The following SP100 variants were observed in gnomAD, a reference collection of about 807,000 sequenced individuals.
The protein encoded by SP100 is nuclear autoantigen Sp-100.
SP100 carries 84 observed loss-of-function variants against 130.0 expected under a neutral mutation model. That is an observed-to-expected ratio of 0.65 (90% confidence interval 0.54 to 0.77). The LOEUF (loss-of-function observed/expected upper bound fraction) is 0.77, where lower values mean the gene tolerates loss of function less well. SP100 is among the 30% of genes least tolerant of loss of function. The pLI, the probability that SP100 is intolerant of heterozygous loss-of-function variation, is 0.00. For missense variants in SP100, 978 were observed against 1,052.2 expected, an observed-to-expected ratio of 0.93 and a Z score of 0.97; for synonymous variants, 331 against 351.7, an observed-to-expected ratio of 0.94 and a Z score of 0.66.
intron 24 of SP100, among the ~76,000 whole-genome samples, chr2:230,511,569 G>T (rs919357474): frequency 5.9e-5 from 9 of 152,190 alleles, no homozygotes; most frequent in Non-Finnish European, 1.0e-4. Context: ...CTGCTCCAAG[G>T]TGCAGACAGA....
chr2:230,468,093 G>A (rs2065052688), intron 13 of SP100, among the ~76,000 whole-genome samples: 1 of 152,180 alleles, frequency 6.6e-6, no homozygotes, highest in Admixed American at 6.6e-5. Context: ...TAAAAGGTGG[G>A]TGAGATAACT....
chr2:230,511,426 G>A (rs1575783136), intron 24 of SP100, among the ~76,000 whole-genome samples: 1 of 152,154 alleles, frequency 6.6e-6, no homozygotes. Context: ...CTAGATCACC[G>A]AGGCCTCCAG....
intron 4 of SP100, among the ~76,000 whole-genome samples, chr2:230,444,703 C>T (rs536199300): frequency 6.6e-6 from 1 of 152,306 alleles, no homozygotes; most frequent in African/African-American, 2.4e-5. Context: ...CTACTACCTG[C>T]CCTGAGTGAC....
intron 15 of SP100, among the ~76,000 whole-genome samples, chr2:230,472,427 CAAAAAAAAAAA>C (rs201703163): frequency 9.8e-5 from 6 of 61,326 alleles, no homozygotes; most frequent in African/African-American, 1.7e-4. Flanking sequence ...GACTCCGTCT[CAAAAAAAAAAA>C]AAAAAAAAAA....
At chr2:230,513,584 G>A (rs1690740250) in intron 24 of SP100, among the ~76,000 whole-genome samples, 1 of 151,980 alleles carries the variant, frequency 6.6e-6, no homozygotes, top group Non-Finnish European at 1.5e-5. Context: ...GGGGATAGAT[G>A]TTCTTCATTC....
rs61249133 is a variant in SP100 at position 230,508,306 on chromosome 2, C to T, written c.2052+275C>T. 1,002 of 269,926 alleles carry T rather than the reference C, an allele frequency of 3.7e-3. 16 individuals carry two copies. The highest frequency in any genetic ancestry group is 0.029 in the African/African-American group (926 of 32,054). 16.7% of individuals were successfully genotyped at this position (269,926 alleles called of 1,614,324 possible). ...TGTTTTTTAGTAAAGGAGCTAAATG[C>T]CATACTTTTTTTTTTTTTTTTTTTT... On this transcript the variant is annotated intron_variant, in intron 23 of 28. Coordinates refer to ENST00000340126, the MANE Select transcript of SP100 (RefSeq NM_001080391.2).
intron 5 of SP100, among the ~76,000 whole-genome samples, chr2:230,447,899 C>T (rs1281189633): frequency 2.6e-5 from 4 of 152,216 alleles, no homozygotes; most frequent in Non-Finnish European, 5.9e-5. Context: ...CCTCTAATCT[C>T]ATGTTCAGCT....
intron 17 of SP100, among the ~76,000 whole-genome samples, chr2:230,492,087 A>G (rs1408088164): frequency 6.6e-6 from 1 of 152,158 alleles, no homozygotes; most frequent in Non-Finnish European, 1.5e-5. Context: ...CAGAAGATTT[A>G]TAAAATCAGC....
intron 24 of SP100, chr2:230,515,185 A>T (rs767864029): frequency 6.2e-7 from 1 of 1,613,538 alleles, no homozygotes; most frequent in Non-Finnish European, 8.5e-7. Flanking sequence ...CATTTTTGCT[A>T]AAGAGAAAGG....
Position 230,475,388 on chromosome 2 carries a change from G to A in SP100, c.1600+941G>A, listed in dbSNP as rs150675712. 2.5e-3 allele frequency among the ~76,000 whole-genome samples: 385 copies of A among 152,080 alleles called. 3 individuals carry two copies. The highest frequency in any genetic ancestry group is 9.0e-3 in the African/African-American group (373 of 41,518). On this transcript the variant is annotated intron_variant, in intron 17 of 28. Coordinates refer to ENST00000340126, the MANE Select transcript of SP100 (RefSeq NM_001080391.2). ...TTTGCCCATTTTTTAATTGGATTTT[G>A]TTTTTTGCTTGTTGATTTGTTTAAG...
chr2:230,488,798 G>A (rs62193429), intron 17 of SP100, among the ~76,000 whole-genome samples: 24,919 of 152,118 alleles, frequency 0.16, 2,466 homozygotes, highest in Non-Finnish European at 0.23. Context: ...TTTGTCTTTG[G>A]TTCTGTTTAT....
At chr2:230,528,364 G>A (rs1052616326) in intron 24 of SP100, among the ~76,000 whole-genome samples, 4 of 152,156 alleles carry the variant, frequency 2.6e-5, no homozygotes, top group African/African-American at 9.7e-5. Context: ...AAATAAATAT[G>A]TTCTTTGAAA....
At chr2:230,448,778 T>C (rs923701693) in intron 5 of SP100, among the ~76,000 whole-genome samples, 3 of 152,058 alleles carry the variant, frequency 2.0e-5, no homozygotes, top group African/African-American at 7.2e-5. Flanking sequence ...CTGGGCAGGG[T>C]AGCTCTGGGG....
chr2:230,473,788 T>TA (rs552916272), intron 16 of SP100, among the ~76,000 whole-genome samples: 24 of 151,452 alleles, frequency 1.6e-4, no homozygotes, highest in African/African-American at 4.6e-4. Flanking sequence ...GGTTAGGTGG[T>TA]AAAAAAATAC....
At chr2:230,458,873 C>T (rs1459560255) in intron 8 of SP100, among the ~76,000 whole-genome samples, 3 of 152,026 alleles carry the variant, frequency 2.0e-5, no homozygotes, top group South Asian at 2.1e-4. Context: ...GCAGAGGTAA[C>T]GTTAATAATT....
At chr2:230,529,667 T>C (rs1174609187) in intron 24 of SP100, among the ~76,000 whole-genome samples, 2 of 152,226 alleles carry the variant, frequency 1.3e-5, no homozygotes, top group Non-Finnish European at 2.9e-5. Flanking sequence ...CATGATTGTA[T>C]ATTTAGAAAA....
Position 230,473,385 on chromosome 2 carries a change from T to A in SP100, c.1491T>A (p.Gly497=), listed in dbSNP as rs1360834703. Residue 497 remains glycine (G), a synonymous_variant, in exon 16 of 29, where the codon GGT becomes GGA. Transcript: ENST00000340126. ...KCSCVMCFPK[G]VPRSQEARTE... The stretch of plus-strand genomic sequence containing the variant: ...CCTGTGTCATGTGTTTTCCAAAAGG[T>A]GTGCCAAGAAGCCAAGAAGCAAGGA... The A allele has an allele frequency of 6.2e-7, 1 of 1,613,982 alleles. No homozygotes were observed. Among genetic ancestry groups the A allele is most frequent in the Admixed American group, 1.7e-5 (1 of 60,008 alleles).
At chr2:230,515,927 A>G (rs1159331558) in intron 24 of SP100, 2 of 1,092,134 alleles carry the variant, frequency 1.8e-6, no homozygotes, top group East Asian at 1.1e-4. Flanking sequence ...TTAGTTGTAT[A>G]TGAGGATGGT....
intron 8 of SP100, among the ~76,000 whole-genome samples, chr2:230,459,671 T>C (rs2064478651): frequency 6.6e-6 from 1 of 152,172 alleles, no homozygotes; most frequent in Non-Finnish European, 1.5e-5. Flanking sequence ...CTTGTGTCAA[T>C]CCCAACTTTA....
Sources: allele counts gnomAD v4.1 joint callset (sites outside exome capture counted in the v4.1 genomes callset), GRCh38; gene constraint gnomAD v4.1.1; transcripts MANE v1.5; gene names NCBI Gene and HGNC (gene_info 2026-07-23, HGNC 2026-07-21).